RGL3: variants seen among roughly 807,000 people sequenced by gnomAD.
The protein encoded by RGL3 is ral guanine nucleotide dissociation stimulator like 3.
Under a neutral mutation model 90.6 loss-of-function variants are expected in RGL3, and 85 were observed. That is an observed-to-expected ratio of 0.94 (90% confidence interval 0.79 to 1.12). The LOEUF is 1.12. Among genes scored for constraint, RGL3 ranks in the 50% most tolerant of loss-of-function variants. The pLI, the probability that RGL3 is intolerant of heterozygous loss-of-function variation, is 0.00. For missense variants in RGL3, 1,034 were observed against 939.2 expected, an observed-to-expected ratio of 1.10 and a Z score of -1.32; for synonymous variants, 408 against 385.5, an observed-to-expected ratio of 1.06 and a Z score of -0.68.
chr19:11,416,091 G>A lies in RGL3; in HGVS notation c.483C>T (p.Asp161=). 4 of 1,605,494 alleles carry A rather than the reference G, an allele frequency of 2.5e-6. No homozygotes were observed. Among genetic ancestry groups the A allele is most frequent in the Non-Finnish European group, 3.4e-6 (4 of 1,176,602 alleles). ...WLQDHPQDFR[D]HPAHSDLGSV... ...TGCCCAGGTCCGAATGGGCAGGGTG[G>A]TCTCGGAAATCCTGAGGGTGGTCCT... Residue 161 remains aspartate (D), a synonymous_variant, in exon 5 of 19, where the codon GAC becomes GAT. Coordinates refer to ENST00000380456, the MANE Select transcript of RGL3 (RefSeq NM_001035223.4).
intron 6 of RGL3, 43 bp downstream of exon 6, chr19:11,406,679 T>G (rs1031028341): frequency 7.5e-6 from 12 of 1,607,760 alleles, no homozygotes; most frequent in Middle Eastern, 1.7e-4. Flanking sequence ...GCAGAACCTG[T>G]CCCCTCACTG....
At position 11,399,932 on chromosome 19, in the gene RGL3, G is replaced by T; in HGVS notation, c.1669C>A (p.Pro557Thr). ...GCATCTCTGCTTCTAGGACTTGAGG[G>T]GGGTGACCCTGGGGACACACTGGGG... ...PTSSVSPGSP[P>T]SSPRSRDAPA... is the part of the protein sequence containing the mutation. Residue 557 changes from proline (P) to threonine (T), a missense_variant, in exon 16 of 19, where the codon CCC becomes ACC. Coordinates refer to ENST00000380456, the MANE Select transcript of RGL3 (RefSeq NM_001035223.4). 1.3e-6 allele frequency: 2 copies of T among 1,544,984 alleles called. No homozygotes were observed. The highest frequency in any genetic ancestry group is 1.7e-6 in the Non-Finnish European group (2 of 1,153,668).
chr19:11,396,594 C>T lies in RGL3; in HGVS notation c.2014+650G>A, dbSNP rs543054312. Among the ~76,000 whole-genome samples the T allele has an allele frequency of 9.9e-5, 15 of 151,776 alleles. No homozygotes were observed. The East Asian group carries it at 2.9e-3, about 30-fold the overall frequency. ...GTGCTGGGATTACAGTTGTGAGCCA[C>T]CATGCCCAGCCCATCCTACAAATTG... On this transcript the variant is annotated intron_variant, in intron 18 of 18. Transcript: ENST00000380456.
At position 11,416,855 on chromosome 19, in the gene RGL3, G is replaced by T. The variant is rs771287608; in HGVS notation, c.352C>A (p.Pro118Thr). ...CLLGFLLPPM[P>T]PPPPPGVEIK... ...ACTGACCCGGGAGGTGGGGGCGGTG[G>T]CATTGGTGGCAGCAGAAAGCCCAGC... Residue 118 changes from proline (P) to threonine (T), a missense_variant, in exon 3 of 19, where the codon CCA becomes ACA. Pro to Thr is a conservative substitution (Grantham distance 38). Transcript: ENST00000380456. 10 of 1,613,828 alleles carry T rather than the reference G, an allele frequency of 6.2e-6. No homozygotes were observed. Among genetic ancestry groups the T allele is most frequent in the Non-Finnish European group, 5.9e-6 (7 of 1,179,866 alleles).
rs200073080 is a variant in RGL3, at chr19:11,394,394, G to A, written c.*8C>T. On this transcript the variant is annotated 3_prime_UTR_variant, in exon 19 of 19. Transcript: ENST00000380456. ...GGACTTGTGTCTTGTGGAGAGGACA[G>A]GGCTGCCTCAGCTTGGGGAGACAGA... 10 of 1,605,110 alleles carry A rather than the reference G, an allele frequency of 6.2e-6. No homozygotes were observed. The East Asian group carries it at 2.0e-4, about 32-fold the overall frequency.
chr19:11,401,642 T>C (rs10419064), intron 13 of RGL3, among the ~76,000 whole-genome samples: 18,868 of 151,740 alleles, frequency 0.12, 1,428 homozygotes, highest in East Asian at 0.24. Flanking sequence ...CTCATGTGAT[T>C]CACCCGCCTC....
chr19:11,402,794 T>C, intron 9 of RGL3, 88 bp from the exon 10 acceptor site: 1 of 1,148,752 alleles, frequency 8.7e-7, no homozygotes, highest in Non-Finnish European at 1.3e-6. Flanking sequence ...ATATATACCC[T>C]TCATGCTTTG....
Position 11,416,012 on chromosome 19 carries a change from C to T in RGL3, c.562G>A (p.Ala188Thr), listed in dbSNP as rs773401963. The T allele has an allele frequency of 2.2e-5, 36 of 1,613,862 alleles. No homozygotes were observed. The highest frequency in any genetic ancestry group is 3.1e-5 in the Non-Finnish European group (36 of 1,180,008). The change falls in exon 5 of 19, where the codon GCA becomes ACA. Residue 188 changes from alanine (A) to threonine (T), a missense_variant. Ala to Thr is a moderately conservative substitution (Grantham distance 58, BLOSUM62 0). Transcript: ENST00000380456. ...AAPGSAEAQK[A>T]EKLLEDFLEE... ...AAAAAATCTTCCAGAAGCTTCTCTGCTTTTTGAGCCTCAGCACTCCCTGGG... is the reference window on the plus strand; with the variant it reads ...AAAAAATCTTCCAGAAGCTTCTCTGTTTTTTGAGCCTCAGCACTCCCTGGG...
At chr19:11,394,613 C>A (rs1453511118) in intron 18 of RGL3, 93 bp from the exon 19 acceptor site, 1 of 895,450 alleles carries the variant, frequency 1.1e-6, no homozygotes, top group East Asian at 2.4e-5. Context: ...CACCCGCGAA[C>A]CTGAACAGCC....
At chr19:11,395,459 A>C (rs182161280) in intron 18 of RGL3, among the ~76,000 whole-genome samples, 29 of 152,296 alleles carry the variant, frequency 1.9e-4, no homozygotes, top group Admixed American at 9.8e-4. Flanking sequence ...TCCCAAGTTC[A>C]GATAACTTCA....
chr19:11,397,143 C>T, intron 18 of RGL3, 101 bp downstream of exon 18: 1 of 921,306 alleles, frequency 1.1e-6, no homozygotes, highest in Non-Finnish European at 1.7e-6. Flanking sequence ...CACCTCACAG[C>T]CCTGTGAACC....
At position 11,397,500 on chromosome 19, in the gene RGL3, C is replaced by G; in HGVS notation, c.1844G>C (p.Arg615Pro). Residue 615 changes from arginine to proline, a missense_variant, in exon 17 of 19, where the codon CGT (arginine) becomes CCT (proline). Transcript: ENST00000380456. ...ATTGTCGATGCTGACGCGGATGACA[C>G]GGGCCTCCGAGCTCTGCTGCGCCGG... ...PLPAQQSSEA[R>P]VIRVSIDNDH... 1 of 1,613,592 alleles carries G rather than the reference C, an allele frequency of 6.2e-7. No homozygotes were observed. The highest frequency in any genetic ancestry group is 1.1e-5 in the South Asian group (1 of 91,058).
intron 5 of RGL3, among the ~76,000 whole-genome samples, chr19:11,409,549 A>G (rs1328383009): frequency 6.6e-6 from 1 of 152,236 alleles, no homozygotes; most frequent in Non-Finnish European, 1.5e-5. Context: ...TGTTTGCAAT[A>G]ATATGCACCT....
intron 5 of RGL3, among the ~76,000 whole-genome samples, chr19:11,411,868 G>C (rs560450278): frequency 2.2e-4 from 34 of 152,238 alleles, no homozygotes; most frequent in African/African-American, 8.2e-4. Context: ...ACCTGCCTTG[G>C]CCTCCCAAAA....
intron 1 of RGL3, 79 bp from the exon 2 acceptor site, chr19:11,418,863 G>T: frequency 8.6e-7 from 1 of 1,160,326 alleles, no homozygotes; most frequent in Non-Finnish European, 1.2e-6. Context: ...TCGGACTCGG[G>T]CCGAGTCCTC....
intron 5 of RGL3, among the ~76,000 whole-genome samples, chr19:11,407,361 C>T (rs1479555798): frequency 6.6e-6 from 1 of 151,958 alleles, no homozygotes; most frequent in African/African-American, 2.4e-5. Context: ...AGTAACTCAC[C>T]ACTGAGTTAC....
intron 12 of RGL3, 37 bp from the exon 13 acceptor site, chr19:11,402,169 A>ACC: frequency 1.1e-6 from 1 of 895,412 alleles, no homozygotes; most frequent in Admixed American, 2.1e-5. Flanking sequence ...CCCCTGCCCC[A>ACC]CCCCCACCCT....
At chr19:11,417,281 G>C (rs529174050) in intron 2 of RGL3, among the ~76,000 whole-genome samples, 1 of 150,006 alleles carries the variant, frequency 6.7e-6, no homozygotes, top group East Asian at 2.0e-4. Context: ...CCTCCAAGTA[G>C]CTGAAACTAC....
At chr19:11,417,722 G>C (rs1027763212) in intron 2 of RGL3, among the ~76,000 whole-genome samples, 2 of 150,784 alleles carry the variant, frequency 1.3e-5, no homozygotes, top group African/African-American at 2.4e-5. Context: ...CACTTGCCTC[G>C]GCCTCCCAAA....
Sources: gnomAD v4.1 joint callset for allele counts (sites outside exome capture counted in the v4.1 genomes callset) on GRCh38, gnomAD v4.1.1 for gene constraint, MANE v1.5 for transcripts, NCBI Gene and HGNC (gene_info 2026-07-23, HGNC 2026-07-21) for gene names.